The following MMS19 variants were observed in gnomAD, a reference collection of about 807,000 sequenced individuals.
The protein encoded by MMS19 is MMS19 nucleotide excision repair protein homolog.
A neutral mutation model predicts 129.8 loss-of-function variants in MMS19; 77 were observed. That is an observed-to-expected ratio of 0.59 (90% confidence interval 0.49 to 0.72). The LOEUF (loss-of-function observed/expected upper bound fraction) is 0.72. Among genes scored for constraint, MMS19 ranks in the 30% least tolerant of loss-of-function variants. The pLI, the probability that MMS19 is intolerant of heterozygous loss-of-function variation, is 0.00. For synonymous variants in MMS19, 491 were observed against 502.8 expected (o/e 0.98, Z 0.31); for missense variants, 1,168 against 1,266.3 (o/e 0.92, Z 1.18).
intron 1 of MMS19, among the ~76,000 whole-genome samples, chr10:97,485,505 G>T (rs1589757405): frequency 6.6e-6 from 1 of 152,308 alleles, no homozygotes; most frequent in Non-Finnish European, 1.5e-5. Context: ...TAGAGATGGG[G>T]TTTTGCCATG....
At chr10:97,485,198 G>A (rs1175007462) in intron 1 of MMS19, among the ~76,000 whole-genome samples, 5 of 151,828 alleles carry the variant, frequency 3.3e-5, no homozygotes, top group African/African-American at 9.7e-5. Flanking sequence ...GTGTGATCTC[G>A]GCTTGCTGCA....
At position 97,467,457 on chromosome 10, in the gene MMS19, T is replaced by C. The variant is rs755909363; in HGVS notation, c.1297+48A>G. The C allele has an allele frequency of 4.9e-6, 7 of 1,427,638 alleles. No individual in the cohort carries two copies. In the East Asian group the frequency reaches 1.6e-4, roughly 32 times the overall value. The allele number at this position is 1,427,638 out of a possible 1,614,324, so 88.4% of individuals were successfully genotyped here. A position where few individuals can be genotyped will look rare whatever the true frequency, so the allele number is the denominator to read the frequency against. On this transcript the variant is annotated intron_variant, in intron 14 of 30. Coordinates refer to ENST00000438925, the MANE Select transcript of MMS19 (RefSeq NM_022362.5). The stretch of plus-strand genomic sequence containing the variant: ...CTTTGCCCTGCTATCCTTTATAGGC[T>C]GAAGTGTTCAACAGTCCCCAGAGCA...
intron 18 of MMS19, among the ~76,000 whole-genome samples, chr10:97,465,155 G>A (rs899952271): frequency 1.9e-4 from 29 of 151,750 alleles, no homozygotes; most frequent in Non-Finnish European, 3.7e-4. Flanking sequence ...GATTACAGGC[G>A]CCTGCCACCA....
intron 18 of MMS19, among the ~76,000 whole-genome samples, chr10:97,465,096 G>A (rs1427601377): frequency 1.3e-5 from 2 of 151,754 alleles, no homozygotes; most frequent in African/African-American, 2.4e-5. Context: ...TGCAACCTCC[G>A]CCTCCCAGGT....
chr10:97,463,772 T>C (rs1304035446), intron 19 of MMS19, 86 bp downstream of exon 19: 1 of 1,169,500 alleles, frequency 8.6e-7, no homozygotes, highest in Non-Finnish European at 1.2e-6. Flanking sequence ...CAAAATACAG[T>C]ACCACCAATA....
intron 26 of MMS19, 110 bp downstream of exon 26, chr10:97,459,936 A>G (rs1037696717): frequency 8.1e-7 from 1 of 1,229,466 alleles, no homozygotes; most frequent in Non-Finnish European, 1.2e-6. Flanking sequence ...TTCTAGGCAC[A>G]GACCACAATA....
At chr10:97,467,928 A>G (rs2033867606) in intron 13 of MMS19, among the ~76,000 whole-genome samples, 1 of 149,246 alleles carries the variant, frequency 6.7e-6, no homozygotes, top group Admixed American at 6.8e-5. Flanking sequence ...TTGGTCTCCT[A>G]AAGTGCTGGG....
chr10:97,481,498 T>C (rs549339731), intron 2 of MMS19, among the ~76,000 whole-genome samples: 1 of 151,900 alleles, frequency 6.6e-6, no homozygotes, highest in East Asian at 1.9e-4. Context: ...GGAAAAAAAA[T>C]TGCTCAGAAT....
Position 97,478,248 on chromosome 10 carries a change from AAC to A in MMS19, c.348+54_348+55del, listed in dbSNP as rs2036134812. On this transcript the variant is annotated intron_variant, in intron 4 of 30. Coordinates refer to ENST00000438925, the MANE Select transcript of MMS19 (RefSeq NM_022362.5). ...CATCACACCCAAAGCGCAAGGAGAG[AAC>A]TAGACAAGGGCTCCCTTGAACAAAG... 6.5e-6 allele frequency: 9 copies of A among 1,388,184 alleles called. No homozygotes were observed. In the South Asian group the frequency reaches 1.1e-4, roughly 17 times the overall value. 86.0% of individuals were successfully genotyped at this position (1,388,184 alleles called of 1,614,324 possible).
intron 1 of MMS19, among the ~76,000 whole-genome samples, chr10:97,497,884 C>T (rs1426554659): frequency 6.6e-6 from 1 of 152,156 alleles, no homozygotes; most frequent in South Asian, 2.1e-4. Context: ...CACCTCCACA[C>T]GTCAACCTCC....
intron 1 of MMS19, among the ~76,000 whole-genome samples, chr10:97,486,864 T>TATATATATATATATTATATA (rs2037954871): frequency 2.1e-5 from 1 of 47,802 alleles, no homozygotes; most frequent in Non-Finnish European, 4.1e-5. Context: ...TAAAGTGCCA[T>TATATATATATATATTATATA]ATATATATAT....
chr10:97,477,051 A>G (rs910577769), intron 6 of MMS19, 88 bp from the exon 7 acceptor site: 4 of 1,581,922 alleles, frequency 2.5e-6, no homozygotes, highest in Non-Finnish European at 3.4e-6. Flanking sequence ...CTCTGCTATC[A>G]TTGCCTCCCC....
At chr10:97,467,830 A>ATTTTTTT (rs1285490114) in intron 13 of MMS19, among the ~76,000 whole-genome samples, 1 of 137,396 alleles carries the variant, frequency 7.3e-6, no homozygotes, top group Non-Finnish European at 1.6e-5. Flanking sequence ...TATCCAGCTA[A>ATTTTTTT]TTTTTTTTTT....
chr10:97,474,755 T>C (rs1483405419), intron 8 of MMS19, among the ~76,000 whole-genome samples: 1 of 152,210 alleles, frequency 6.6e-6, no homozygotes, highest in African/African-American at 2.4e-5. Flanking sequence ...TTCCTAATAT[T>C]ATCTGTAAGT....
intron 1 of MMS19, among the ~76,000 whole-genome samples, chr10:97,497,051 G>T (rs1262970064): frequency 6.6e-6 from 1 of 152,182 alleles, no homozygotes; most frequent in East Asian, 1.9e-4. Flanking sequence ...TGTAAACACT[G>T]ATAACACACT....
At chr10:97,478,194 C>A in intron 4 of MMS19, 110 bp downstream of exon 4, 1 of 849,230 alleles carries the variant, frequency 1.2e-6, no homozygotes, top group Non-Finnish European at 1.9e-6. Flanking sequence ...TAGTCCCACA[C>A]TTGGGCACCT....
chr10:97,459,538 T>C lies in MMS19; in HGVS notation c.2740-12A>G. 3 of 1,610,816 alleles carry C rather than the reference T, an allele frequency of 1.9e-6. No individual in the cohort carries two copies. The highest frequency in any genetic ancestry group is 2.2e-5 in the East Asian group (1 of 44,768). On this transcript the variant is annotated splice_polypyrimidine_tract_variant and intron_variant, in intron 27 of 30. Transcript: ENST00000438925. ...AGCAAGGAAAGAAGCTAAGGGGCAA[T>C]GGGCAAGGTAGGGGATGGCCACATC...
intron 1 of MMS19, among the ~76,000 whole-genome samples, chr10:97,484,420 A>G (rs1450837443): frequency 1.3e-5 from 2 of 152,194 alleles, no homozygotes; most frequent in Non-Finnish European, 1.5e-5. Context: ...AAAAAATCAC[A>G]AACAAAATAA....
chr10:97,476,591 T>G (rs969204507), intron 8 of MMS19, 92 bp downstream of exon 8: 11 of 1,108,518 alleles, frequency 9.9e-6, no homozygotes, highest in African/African-American at 1.6e-5. Context: ...GATGTCTATT[T>G]TGGTGACCTG....
Sources: gnomAD v4.1 joint callset for allele counts (sites outside exome capture counted in the v4.1 genomes callset) on GRCh38, gnomAD v4.1.1 for gene constraint, MANE v1.5 for transcripts, NCBI Gene and HGNC (gene_info 2026-07-23, HGNC 2026-07-21) for gene names.